The following TP63 variants were observed in gnomAD, a reference collection of about 807,000 sequenced individuals.
TP63 encodes tumor protein 63.
In TP63, 17 loss-of-function variants were observed where a neutral mutation model predicts 82.8. The ratio of observed to expected loss-of-function variants is 0.21; its 90% CI spans 0.14 to 0.31. TP63 has a LOEUF of 0.31. TP63 is among the 10% of genes least tolerant of loss of function. The pLI is 1.00. For synonymous variants in TP63, 330 were observed against 321.7 expected, an observed-to-expected ratio of 1.03 and a Z score of -0.28; for missense variants, 648 against 895.3, an observed-to-expected ratio of 0.72 and a Z score of 3.52.
chr3:189,654,115 T>G (rs1713121272), intron 1 of TP63, among the ~76,000 whole-genome samples: 1 of 152,180 alleles, frequency 6.6e-6, no homozygotes. Context: ...TTGTACTTAT[T>G]AGCCTAAGCT....
At chr3:189,771,400 A>T (rs935963666) in intron 3 of TP63, among the ~76,000 whole-genome samples, 1 of 139,232 alleles carries the variant, frequency 7.2e-6, no homozygotes, top group Non-Finnish European at 1.5e-5. Context: ...TATTAAATAT[A>T]TAAGTATATT....
intron 4 of TP63, among the ~76,000 whole-genome samples, chr3:189,825,071 T>G (rs1467321480): frequency 6.6e-6 from 1 of 152,196 alleles, no homozygotes; most frequent in Non-Finnish European, 1.5e-5. Flanking sequence ...GGTAAAATGG[T>G]GTGTTTGGGA....
intron 1 of TP63, among the ~76,000 whole-genome samples, chr3:189,643,375 G>C (rs1333222483): frequency 6.6e-6 from 1 of 151,844 alleles, no homozygotes; most frequent in Non-Finnish European, 1.5e-5. Context: ...TTACAGACAG[G>C]GGCTTAACTT....
Position 189,872,774 on chromosome 3 carries a change from A to G in TP63, c.1213-85A>G, listed in dbSNP as rs568951166. On this transcript the variant is annotated intron_variant, in intron 9 of 13. Coordinates refer to ENST00000264731, the MANE Select transcript of TP63 (RefSeq NM_003722.5). ...CAAATAAACAAATTGCAATTACGGA[A>G]TCCTCAAATAATGAGGATTGACCAC... 3 of 1,585,550 alleles carry G rather than the reference A, an allele frequency of 1.9e-6. No homozygotes were observed. The Admixed American group carries it at 5.2e-5, about 27-fold the overall frequency.
At chr3:189,679,604 T>C (rs970739334) in intron 1 of TP63, among the ~76,000 whole-genome samples, 9 of 152,088 alleles carry the variant, frequency 5.9e-5, no homozygotes, top group Non-Finnish European at 1.3e-4. Context: ...CTGTTGATTG[T>C]TTTTTTACTG....
rs375536822 is a variant in TP63, at chr3:189,880,101, C to T, written c.1350-6293C>T. 2.3e-5 allele frequency: 37 copies of T among 1,613,724 alleles called. No homozygotes were observed. In the African/African-American group the frequency reaches 4.8e-4, roughly 21 times the overall value. ...CTGCTTCAGGAATGAGCTTGTGGAG[C>T]CCCGGAGAGAAACTCCAAAACAATC... is the stretch of plus-strand genomic sequence containing the variant. On this transcript the variant is annotated intron_variant, in intron 10 of 13. Coordinates refer to ENST00000264731, the MANE Select transcript of TP63 (RefSeq NM_003722.5).
chr3:189,885,234 G>A (rs1049202914), intron 10 of TP63, among the ~76,000 whole-genome samples: 1 of 152,148 alleles, frequency 6.6e-6, no homozygotes, highest in Non-Finnish European at 1.5e-5. Context: ...CAGTAATTCA[G>A]TGTAGATGCT....
the TP63 span, among the ~76,000 whole-genome samples, chr3:189,619,049 C>G: frequency 3.3e-5 from 5 of 152,148 alleles, no homozygotes; most frequent in African/African-American, 1.2e-4. Context: ...TTAGTCCCCT[C>G]AATCAAGTAC....
intron 3 of TP63, among the ~76,000 whole-genome samples, chr3:189,760,155 C>A (rs1577362887): frequency 6.6e-6 from 1 of 152,262 alleles, no homozygotes; most frequent in East Asian, 1.9e-4. Context: ...TTTCATTCCA[C>A]CCCTGGCCCC....
chr3:189,686,734 T>TTG (rs1366411776), intron 1 of TP63, among the ~76,000 whole-genome samples: 1 of 144,760 alleles, frequency 6.9e-6, no homozygotes, highest in East Asian at 2.2e-4. Context: ...GGGCAGGGTT[T>TTG]TTTTTTTTTT....
chr3:189,821,990 G>A (rs1396650331), intron 4 of TP63, among the ~76,000 whole-genome samples: 1 of 152,198 alleles, frequency 6.6e-6, no homozygotes, highest in Non-Finnish European at 1.5e-5. Context: ...ACAGGAGGGT[G>A]TAGGAGAAAG....
chr3:189,788,070 T>C (rs948798700), intron 3 of TP63, among the ~76,000 whole-genome samples: 1 of 144,326 alleles, frequency 6.9e-6, no homozygotes, highest in Non-Finnish European at 1.5e-5. Context: ...AATTATACTG[T>C]ATTTTGTAAG....
At chr3:189,761,137 A>G (rs1046422134) in intron 3 of TP63, among the ~76,000 whole-genome samples, 68 of 152,300 alleles carry the variant, frequency 4.5e-4, no homozygotes, top group African/African-American at 1.5e-3. Flanking sequence ...TTCCCTGGAA[A>G]CATTTTCCCC....
chr3:189,775,220 C>CAAA (rs56288032), intron 3 of TP63, among the ~76,000 whole-genome samples: 41 of 92,882 alleles, frequency 4.4e-4, no homozygotes, highest in African/African-American at 5.2e-4. Flanking sequence ...AACTCTGTCT[C>CAAA]AAAAAAAAAA....
chr3:189,876,705 C>T (rs1167080163), intron 10 of TP63, among the ~76,000 whole-genome samples: 1 of 152,110 alleles, frequency 6.6e-6, no homozygotes, highest in Non-Finnish European at 1.5e-5. Flanking sequence ...TGATATGCAT[C>T]TATATAAATC....
chr3:189,680,134 C>T (rs1715784578), intron 1 of TP63, among the ~76,000 whole-genome samples: 1 of 151,928 alleles, frequency 6.6e-6, no homozygotes, highest in Admixed American at 6.6e-5. Flanking sequence ...TCACTGAAAA[C>T]TGCCATTGGA....
chr3:189,616,075 G>A, the TP63 span, among the ~76,000 whole-genome samples: 1 of 152,098 alleles, frequency 6.6e-6, no homozygotes, highest in African/African-American at 2.4e-5. Flanking sequence ...CATCAGACAA[G>A]GTCTCTTCAT....
At chr3:189,698,831 A>C (rs1271864901) in intron 1 of TP63, among the ~76,000 whole-genome samples, 4 of 152,200 alleles carry the variant, frequency 2.6e-5, no homozygotes, top group African/African-American at 9.6e-5. Context: ...AATATTTGAA[A>C]AATTGATATT....
intron 3 of TP63, among the ~76,000 whole-genome samples, chr3:189,753,795 T>A (rs1721992319): frequency 6.6e-6 from 1 of 152,140 alleles, no homozygotes; most frequent in African/African-American, 2.4e-5. Flanking sequence ...TATTCAATTT[T>A]AATTTATCTA....
Sources: gnomAD v4.1 joint callset for allele counts (sites outside exome capture counted in the v4.1 genomes callset) on GRCh38, gnomAD v4.1.1 for gene constraint, MANE v1.5 for transcripts, NCBI Gene and HGNC (gene_info 2026-07-23, HGNC 2026-07-21) for gene names.